Variants in RNGTT observed in about 807,000 individuals in gnomAD.
RNGTT encodes the protein mRNA-capping enzyme.
RNGTT carries 33 observed loss-of-function variants against 79.3 expected under a neutral mutation model. The observed-to-expected ratio is 0.42, with a 90% CI of 0.32 to 0.56. The LOEUF (loss-of-function observed/expected upper bound fraction) is 0.56, where lower values mean the gene tolerates loss of function less well. RNGTT is among the 20% of genes least tolerant of loss of function. The pLI, the probability that RNGTT is intolerant of heterozygous loss-of-function variation, is 0.17. For missense variants in RNGTT, 497 were observed against 739.1 expected, an observed-to-expected ratio of 0.67 and a Z score of 3.80; for synonymous variants, 222 against 235.9, an observed-to-expected ratio of 0.94 and a Z score of 0.54.
Position 88,764,997 on chromosome 6 carries a change from C to A in RNGTT, c.1439+4777G>T, listed in dbSNP as rs548738001. On this transcript the variant is annotated intron_variant, in intron 13 of 15. Transcript: ENST00000369485. Reference sequence around the variant, plus strand: ...CATCAGGTCAGGAGATCGAGACCATCCTGGCTAACACGGTGAAACCCCGTC... The same window carrying A: ...CATCAGGTCAGGAGATCGAGACCATACTGGCTAACACGGTGAAACCCCGTC... Among the ~76,000 whole-genome samples the A allele has an allele frequency of 2.6e-5, 4 of 152,144 alleles. No individual in the cohort carries two copies. In the Middle Eastern group the frequency reaches 0.01, roughly 388 times the overall value.
chr6:88,842,074 C>T (rs1461033523), intron 11 of RNGTT, among the ~76,000 whole-genome samples: 1 of 151,960 alleles, frequency 6.6e-6, no homozygotes. Flanking sequence ...CTACCAAAAG[C>T]AAGAATGTCT....
At chr6:88,734,039 G>A (rs764916052) in intron 13 of RNGTT, among the ~76,000 whole-genome samples, 3 of 151,978 alleles carry the variant, frequency 2.0e-5, no homozygotes, top group East Asian at 3.8e-4. Flanking sequence ...AATAAATGAC[G>A]GTAATATAAA....
intron 13 of RNGTT, among the ~76,000 whole-genome samples, chr6:88,757,391 T>C (rs957147761): frequency 7.2e-5 from 11 of 152,232 alleles, no homozygotes; most frequent in African/African-American, 2.4e-4. Context: ...ATATCAATTG[T>C]ATATCTGGAG....
chr6:88,892,529 T>C (rs992420766), intron 6 of RNGTT, among the ~76,000 whole-genome samples: 1 of 152,080 alleles, frequency 6.6e-6, no homozygotes, highest in African/African-American at 2.4e-5. Flanking sequence ...ATATTACTCA[T>C]CATGGAATTT....
intron 6 of RNGTT, among the ~76,000 whole-genome samples, chr6:88,899,832 G>A (rs1001514163): frequency 1.3e-5 from 2 of 152,066 alleles, no homozygotes; most frequent in African/African-American, 2.4e-5. Flanking sequence ...TCACAGCAAT[G>A]GGAAATAAAA....
chr6:88,803,524 C>G (rs1440657489), intron 11 of RNGTT, among the ~76,000 whole-genome samples: 1 of 146,802 alleles, frequency 6.8e-6, no homozygotes, highest in African/African-American at 2.6e-5. Flanking sequence ...TTGCAGTGAG[C>G]CAAGATTGTG....
intron 8 of RNGTT, among the ~76,000 whole-genome samples, chr6:88,885,118 TCACACA>T (rs150058750): frequency 1.3e-5 from 2 of 149,054 alleles, no homozygotes; most frequent in Non-Finnish European, 3.0e-5. Context: ...ATGTATATAC[TCACACA>T]CACACACACA....
chr6:88,715,563 C>T (rs1776480787), intron 13 of RNGTT, among the ~76,000 whole-genome samples: 1 of 152,180 alleles, frequency 6.6e-6, no homozygotes, highest in South Asian at 2.1e-4. Context: ...TGACTTCAAA[C>T]CATGTTACAA....
chr6:88,907,965 G>A (rs1484283062), intron 4 of RNGTT, among the ~76,000 whole-genome samples: 1 of 151,860 alleles, frequency 6.6e-6, no homozygotes, highest in African/African-American at 2.4e-5. Context: ...AAACTCATGG[G>A]ATCAAGCAAT....
In RNGTT at chr6:88,747,818, C is replaced by T. The variant is rs1477796628; in HGVS notation, c.1439+21956G>A. On this transcript the variant is annotated intron_variant, in intron 13 of 15. Transcript: ENST00000369485. ...TATGGAGCTATACATTCATTTGGCC[C>T]ATGACTCACAGAAGCTAACAGGTAA... Among the ~76,000 whole-genome samples the T allele has an allele frequency of 2.0e-5, 3 of 152,274 alleles. No individual in the cohort carries two copies. The East Asian group carries it at 5.8e-4, about 29-fold the overall frequency.
intron 8 of RNGTT, among the ~76,000 whole-genome samples, chr6:88,884,543 A>T (rs575535989): frequency 6.6e-6 from 1 of 152,318 alleles, no homozygotes; most frequent in East Asian, 1.9e-4. Flanking sequence ...ACAGAATGAA[A>T]AGATAAGAGA....
At chr6:88,799,481 C>A (rs144200786) in intron 12 of RNGTT, among the ~76,000 whole-genome samples, 1 of 152,026 alleles carries the variant, frequency 6.6e-6, no homozygotes, top group East Asian at 1.9e-4. Context: ...GGCGGATCAC[C>A]TGAGATCAGG....
At chr6:88,880,305 A>G (rs1447811574) in intron 8 of RNGTT, among the ~76,000 whole-genome samples, 3 of 152,234 alleles carry the variant, frequency 2.0e-5, no homozygotes, top group East Asian at 3.8e-4. Context: ...TTCAAGAAGT[A>G]TTATACAAAT....
At chr6:88,803,947 T>G (rs1186860517) in intron 11 of RNGTT, among the ~76,000 whole-genome samples, 1 of 152,114 alleles carries the variant, frequency 6.6e-6, no homozygotes, top group Admixed American at 6.6e-5. Flanking sequence ...GGACTGAAAA[T>G]TCATGGGTCA....
At chr6:88,949,159 G>GAAAAAAAAAAAAAAAAAAAAAAAATA in intron 1 of RNGTT, among the ~76,000 whole-genome samples, 18 of 50,492 alleles carry the variant, frequency 3.6e-4, no homozygotes, top group South Asian at 1.2e-3. Context: ...AAAATAAAAT[G>GAAAAAAAAAAAAAAAAAAAAAAAATA]AAAAAAAAAA....
intron 13 of RNGTT, among the ~76,000 whole-genome samples, chr6:88,737,395 A>G (rs1777323183): frequency 6.6e-6 from 1 of 152,136 alleles, no homozygotes; most frequent in Non-Finnish European, 1.5e-5. Context: ...TTTGAACTTT[A>G]GGGTTGATGC....
At chr6:88,922,621 G>A (rs547020755) in intron 4 of RNGTT, among the ~76,000 whole-genome samples, 46 of 151,786 alleles carry the variant, frequency 3.0e-4, no homozygotes, top group African/African-American at 1.1e-3. Flanking sequence ...TCCACCTCCC[G>A]GGTTCATGCT....
At chr6:88,630,386 T>C (rs1772808924) in intron 14 of RNGTT, among the ~76,000 whole-genome samples, 1 of 152,220 alleles carries the variant, frequency 6.6e-6, no homozygotes, top group Non-Finnish European at 1.5e-5. Context: ...TTTTGGAATA[T>C]TCCAGGGACC....
intron 13 of RNGTT, among the ~76,000 whole-genome samples, chr6:88,752,468 A>G (rs1395558252): frequency 6.6e-6 from 1 of 152,154 alleles, no homozygotes; most frequent in Non-Finnish European, 1.5e-5. Flanking sequence ...AGAGCAAACT[A>G]TAACAAATTG....
Sources: gnomAD v4.1 joint callset for allele counts (sites outside exome capture counted in the v4.1 genomes callset) on GRCh38, gnomAD v4.1.1 for gene constraint, MANE v1.5 for transcripts, NCBI Gene and HGNC (gene_info 2026-07-23, HGNC 2026-07-21) for gene names.